The following LARGE1 variants were observed in gnomAD, a reference collection of about 807,000 sequenced individuals.
LARGE1 encodes LARGE xylosyl- and glucuronyltransferase 1.
LARGE1 carries 43 observed loss-of-function variants against 87.6 expected under a neutral mutation model. That is an observed-to-expected ratio of 0.49 (90% confidence interval 0.38 to 0.63). The LOEUF (loss-of-function observed/expected upper bound fraction) is 0.63. Ranked by LOEUF, LARGE1 falls within the 30% of genes least tolerant of loss-of-function variation. The probability of loss-of-function intolerance (pLI) is 0.00; values close to 1 mark genes in which losing one functional copy is unlikely to be tolerated. For synonymous variants in LARGE1, 434 were observed against 394.6 expected (o/e 1.10, Z -1.18); for missense variants, 802 against 1,000.2 (o/e 0.80, Z 2.67).
chr22:33,880,347 C>T (rs767338016), intron 1 of LARGE1, among the ~76,000 whole-genome samples: 3 of 152,198 alleles, frequency 2.0e-5, no homozygotes, highest in Non-Finnish European at 4.4e-5. Context: ...GCAGAGCAAA[C>T]TATGATAGAC....
At chr22:33,630,709 A>G (rs2080082658) in intron 3 of LARGE1, among the ~76,000 whole-genome samples, 1 of 152,240 alleles carries the variant, frequency 6.6e-6, no homozygotes, top group Admixed American at 6.5e-5. Context: ...CTAGGACATT[A>G]TAGTACACTA....
intron 1 of LARGE1, among the ~76,000 whole-genome samples, chr22:33,767,212 C>G (rs577749824): frequency 1.7e-4 from 26 of 150,940 alleles, no homozygotes; most frequent in African/African-American, 6.1e-4. Flanking sequence ...ATCCCAGCTA[C>G]TGGAGAGGCT....
At chr22:33,782,353 G>C (rs1308179362) in intron 1 of LARGE1, among the ~76,000 whole-genome samples, 3 of 152,164 alleles carry the variant, frequency 2.0e-5, no homozygotes, top group Admixed American at 1.3e-4. Context: ...GGCAGTGACT[G>C]ATAATGCATA....
chr22:33,501,359 T>C (rs1343790617), intron 6 of LARGE1, among the ~76,000 whole-genome samples: 2 of 152,060 alleles, frequency 1.3e-5, no homozygotes, highest in Non-Finnish European at 2.9e-5. Flanking sequence ...GGATGGGAGA[T>C]CGCCTCTGTG....
chr22:33,580,368 CAAAA>C (rs2078481169), intron 5 of LARGE1, among the ~76,000 whole-genome samples: 2 of 137,978 alleles, frequency 1.4e-5, no homozygotes, highest in Admixed American at 1.4e-4. Context: ...GAAACTGTCA[CAAAA>C]AAAGAAAAAA....
At chr22:33,857,952 G>A (rs745773687) in intron 1 of LARGE1, among the ~76,000 whole-genome samples, 8 of 152,154 alleles carry the variant, frequency 5.3e-5, no homozygotes, top group East Asian at 1.9e-4. Context: ...GTGGCGGGCC[G>A]CTTCCAAAAT....
intron 6 of LARGE1, among the ~76,000 whole-genome samples, chr22:33,555,610 AG>A (rs1262867196): frequency 1.3e-5 from 2 of 152,130 alleles, no homozygotes; most frequent in Admixed American, 1.3e-4. Context: ...GGCCAAAGGT[AG>A]GAGCCTGTCT....
downstream of LARGE1, among the ~76,000 whole-genome samples, chr22:33,271,714 G>A (rs940946526): frequency 1.3e-5 from 2 of 152,246 alleles, no homozygotes; most frequent in African/African-American, 4.8e-5. Flanking sequence ...GGGGCTGGCA[G>A]TGAACTGCTG....
chr22:33,245,144 AT>A (rs1162803286), intron 11 of LARGE1, among the ~76,000 whole-genome samples: 1 of 152,202 alleles, frequency 6.6e-6, no homozygotes, highest in African/African-American at 2.4e-5. Flanking sequence ...CCCTTTAAAG[AT>A]TTTTTAAGAT....
In LARGE1 at chr22:33,869,162, G is replaced by T. The variant is rs560602440; in HGVS notation, c.-83+50833C>A. Among the ~76,000 whole-genome samples, 3 of 152,160 alleles carry T rather than the reference G, an allele frequency of 2.0e-5. 1 individual carries two copies. The highest frequency in any genetic ancestry group is 7.2e-5 in the African/African-American group (3 of 41,536). ...ATCATTCTGGCCCTCTCTTACCCTT[G>T]GAGCCAGCTCCTTTGGATCCACTTA... On this transcript the variant is annotated intron_variant, in intron 1 of 14. Coordinates refer to ENST00000397394, the MANE Select transcript of LARGE1 (RefSeq NM_133642.5).
intron 8 of LARGE1, among the ~76,000 whole-genome samples, chr22:33,383,385 C>T (rs1417426895): frequency 2.0e-5 from 3 of 151,840 alleles, no homozygotes; most frequent in Non-Finnish European, 4.4e-5. Flanking sequence ...CGTGGAGAAA[C>T]CCCATCTCTA....
chr22:33,546,746 A>T (rs2077370334), intron 6 of LARGE1, among the ~76,000 whole-genome samples: 1 of 151,966 alleles, frequency 6.6e-6, no homozygotes, highest in Non-Finnish European at 1.5e-5. Flanking sequence ...ACCATATCTG[A>T]CTAATTTTTG....
the LARGE1 span, among the ~76,000 whole-genome samples, chr22:33,074,470 T>G: frequency 6.6e-6 from 1 of 151,872 alleles, no homozygotes; most frequent in Non-Finnish European, 1.5e-5. Context: ...AGGTCAGGAG[T>G]TCCAGACCAT....
At chr22:33,531,638 G>A (rs539085945) in intron 6 of LARGE1, among the ~76,000 whole-genome samples, 25 of 152,220 alleles carry the variant, frequency 1.6e-4, no homozygotes, top group Non-Finnish European at 5.9e-5. Flanking sequence ...TTGTAATTGT[G>A]TGCTGCTGTC....
At chr22:33,527,022 C>A (rs1165186934) in intron 6 of LARGE1, among the ~76,000 whole-genome samples, 1 of 152,162 alleles carries the variant, frequency 6.6e-6, no homozygotes, top group Admixed American at 6.5e-5. Context: ...TTTGAGAGGC[C>A]GAGGCGGGTG....
chr22:33,886,788 TACTGAGC>T (rs1368368666), intron 1 of LARGE1, among the ~76,000 whole-genome samples: 2 of 152,070 alleles, frequency 1.3e-5, no homozygotes, highest in Non-Finnish European at 2.9e-5. Context: ...AGTAAATGTT[TACTGAGC>T]ACCAAGTACC....
At chr22:33,503,242 C>CT (rs60105421) in intron 6 of LARGE1, among the ~76,000 whole-genome samples, 6,135 of 142,408 alleles carry the variant, frequency 0.043, 133 homozygotes, top group African/African-American at 0.057. Context: ...AGGAGTTCCC[C>CT]TTTTTTTTTT....
intron 1 of LARGE1, among the ~76,000 whole-genome samples, chr22:33,825,730 G>T (rs1329113182): frequency 6.6e-6 from 1 of 152,138 alleles, no homozygotes; most frequent in Non-Finnish European, 1.5e-5. Flanking sequence ...TTTGGGTGGG[G>T]CCACAGCAAA....
At chr22:33,334,810 TG>T (rs1013374215) in intron 10 of LARGE1, among the ~76,000 whole-genome samples, 11 of 152,138 alleles carry the variant, frequency 7.2e-5, no homozygotes, top group Admixed American at 3.3e-4. Context: ...CATACAGGGG[TG>T]GGCTCAGTCT....
Sources: allele counts gnomAD v4.1 joint callset (sites outside exome capture counted in the v4.1 genomes callset), GRCh38; gene constraint gnomAD v4.1.1; transcripts MANE v1.5; gene names NCBI Gene and HGNC (gene_info 2026-07-23, HGNC 2026-07-21).